Variants in ZNF215 observed in about 807,000 individuals in gnomAD.
The protein encoded by ZNF215 is BWSCR2-associated zinc finger protein 2.
ZNF215 carries 24 observed loss-of-function variants against 27.2 expected under a neutral mutation model. The ratio of observed to expected loss-of-function variants is 0.88; its 90% CI spans 0.64 to 1.24. The LOEUF is 1.24. ZNF215 is among the 50% of genes most tolerant of loss of function. The pLI is 0.00. For missense variants in ZNF215, 675 were observed against 605.7 expected (o/e 1.11, Z -1.20); for synonymous variants, 210 against 204.0 (o/e 1.03, Z -0.25).
At chr11:6,990,214 G>A (rs1401431394), downstream of ZNF215, among the ~76,000 whole-genome samples, 1 of 152,132 alleles carries the variant, frequency 6.6e-6, no homozygotes, top group Non-Finnish European at 1.5e-5. Flanking sequence ...CAGGCAGCAA[G>A]CCCATGGATT....
intron 5 of ZNF215, among the ~76,000 whole-genome samples, chr11:6,973,753 T>C (rs897071908): frequency 6.6e-6 from 1 of 152,232 alleles, no homozygotes; most frequent in East Asian, 1.9e-4. Flanking sequence ...TGTTTTAACC[T>C]TGTAAACTTG....
At chr11:6,955,361 G>A (rs1850287317) in intron 6 of ZNF215, among the ~76,000 whole-genome samples, 1 of 152,198 alleles carries the variant, frequency 6.6e-6, no homozygotes, top group South Asian at 2.1e-4. Context: ...ATATTAGGCA[G>A]AGACTTCATA....
Position 6,975,706 on chromosome 11 carries a change from C to T in ZNF215, c.806-8423C>T, listed in dbSNP as rs140357852. 8.3e-4 allele frequency among the ~76,000 whole-genome samples: 127 copies of T among 152,096 alleles called. 3 individuals are homozygous for T. The East Asian group carries it at 0.02, about 24-fold the overall frequency. On this transcript the variant is annotated intron_variant, in intron 5 of 5. Coordinates refer to the ZNF215 transcript ENST00000529903. ...CATTCTTTTTTATGGCTGAATATTA[C>T]GCCATTGTATATATGTACCACATTT...
At chr11:6,953,324 G>C (rs950930212) in intron 6 of ZNF215, among the ~76,000 whole-genome samples, 1 of 152,234 alleles carries the variant, frequency 6.6e-6, no homozygotes, top group Non-Finnish European at 1.5e-5. Flanking sequence ...ATGTCTTGCA[G>C]AGTGTTTTCT....
intron 2 of ZNF215, among the ~76,000 whole-genome samples, chr11:6,928,926 C>G (rs1383947297): frequency 6.6e-6 from 1 of 151,926 alleles, no homozygotes; most frequent in Non-Finnish European, 1.5e-5. Context: ...GGTTTTCAGT[C>G]TGTTGTATTG....
intron 5 of ZNF215, among the ~76,000 whole-genome samples, chr11:6,975,311 A>G (rs1003676992): frequency 4.6e-5 from 7 of 152,020 alleles, no homozygotes; most frequent in African/African-American, 1.4e-4. Flanking sequence ...ATATTTTGAT[A>G]GAGGCATGCA....
intron 3 of ZNF215, among the ~76,000 whole-genome samples, chr11:6,938,050 C>T (rs1012365077): frequency 4.0e-5 from 6 of 151,580 alleles, no homozygotes; most frequent in Non-Finnish European, 5.9e-5. Flanking sequence ...ATCAAGGCAG[C>T]GAAAAACCTA....
rs59694270 is a variant in ZNF215 at position 6,984,013 on chromosome 11, T to A, written c.806-116T>A. The A allele has an allele frequency of 1.5e-3, 475 of 313,828 alleles. 3 individuals carry two copies. Among genetic ancestry groups the A allele is most frequent in the African/African-American group, 9.7e-3 (422 of 43,610 alleles). 19.4% of individuals were successfully genotyped at this position (313,828 alleles called of 1,614,324 possible). ...GCCTAAAACATGATAGTACTCAGTA[T>A]TGGTAAAGGATATAAAAATTAACAT... On this transcript the variant is annotated intron_variant, in intron 5 of 5. Transcript: ENST00000529903.
At chr11:6,934,528 T>C (rs1849370766) in intron 3 of ZNF215, among the ~76,000 whole-genome samples, 1 of 152,186 alleles carries the variant, frequency 6.6e-6, no homozygotes, top group African/African-American at 2.4e-5. Flanking sequence ...TACCGTTTTC[T>C]TTCTGGGGCT....
chr11:6,951,787 A>G (rs143066642), intron 6 of ZNF215, among the ~76,000 whole-genome samples: 29,623 of 151,606 alleles, frequency 0.2, 2,970 homozygotes, highest in Middle Eastern at 0.23. Context: ...TTTTGAATGC[A>G]TTTGCTCTTG....
At chr11:6,963,640 G>A (rs566863240) in intron 5 of ZNF215, among the ~76,000 whole-genome samples, 2 of 152,046 alleles carry the variant, frequency 1.3e-5, no homozygotes, top group East Asian at 1.9e-4. Flanking sequence ...ATTTATCTTG[G>A]TATATACCTA....
chr11:6,968,305 T>C (rs1017095528), intron 5 of ZNF215, among the ~76,000 whole-genome samples: 1 of 152,182 alleles, frequency 6.6e-6, no homozygotes, highest in Non-Finnish European at 1.5e-5. Flanking sequence ...AAAGTAGTTT[T>C]TTCTAATTCT....
downstream of ZNF215, among the ~76,000 whole-genome samples, chr11:6,987,750 C>G (rs1015852728): frequency 6.6e-6 from 1 of 152,158 alleles, no homozygotes; most frequent in Non-Finnish European, 1.5e-5. Context: ...ATTGTAGTCT[C>G]TAGTAACCAG....
At chr11:6,977,992 G>A (rs1261793761) in intron 5 of ZNF215, among the ~76,000 whole-genome samples, 1 of 152,048 alleles carries the variant, frequency 6.6e-6, no homozygotes, top group Non-Finnish European at 1.5e-5. Context: ...TCCGGGAAAA[G>A]GCAATAGCTC....
At position 6,955,986 on chromosome 11, in the gene ZNF215, T is replaced by C; in HGVS notation, c.1009T>C (p.Phe337Leu). Residue 337 changes from phenylalanine to leucine, a missense_variant, in exon 7 of 7, where the codon TTT becomes CTT. Physicochemically the swap from Phe to Leu is conservative, Grantham distance 22. Coordinates refer to ENST00000278319, the MANE Select transcript of ZNF215 (RefSeq NM_013250.4). Reference sequence around the variant, plus strand: ...AAAGGGGTCTCCAAAATGTGATAAGTTTAAAACTTACTTCAAATTTAATTT... The same window carrying C: ...AAAGGGGTCTCCAAAATGTGATAAGCTTAAAACTTACTTCAAATTTAATTT... ...SRKGSPKCDK[F>L]KTYFKFNLDS... 1.2e-6 allele frequency: 2 copies of C among 1,612,690 alleles called. No individual in the cohort carries two copies. Among genetic ancestry groups the C allele is most frequent in the South Asian group, 1.1e-5 (1 of 90,608 alleles).
At chr11:6,943,695 T>G (rs79180154) in intron 6 of ZNF215, 54 bp downstream of exon 6, 50,108 of 1,360,666 alleles carry the variant, frequency 0.037, 1,091 homozygotes, top group Non-Finnish European at 0.044. Context: ...TTCCTAAACA[T>G]ACAGACAATG....
At chr11:6,991,445 C>A (rs1337699120), downstream of ZNF215, among the ~76,000 whole-genome samples, 3 of 152,184 alleles carry the variant, frequency 2.0e-5, no homozygotes, top group Non-Finnish European at 4.4e-5. Flanking sequence ...CTCCAGTGCT[C>A]CCCCGCCCAC....
chr11:6,948,990 C>A (rs536709732), intron 6 of ZNF215, among the ~76,000 whole-genome samples: 205 of 147,770 alleles, frequency 1.4e-3, no homozygotes, highest in South Asian at 1.1e-3. Flanking sequence ...TGAGTGAGAA[C>A]ATGCAGTGTT....
intron 5 of ZNF215, among the ~76,000 whole-genome samples, chr11:6,982,552 A>T (rs1005094933): frequency 2.6e-5 from 4 of 152,210 alleles, no homozygotes; most frequent in African/African-American, 9.7e-5. Context: ...ATTATAACAA[A>T]CTGTCTCTCA....
Sources: gnomAD v4.1 joint callset for allele counts (sites outside exome capture counted in the v4.1 genomes callset) on GRCh38, gnomAD v4.1.1 for gene constraint, MANE v1.5 for transcripts, NCBI Gene and HGNC (gene_info 2026-07-23, HGNC 2026-07-21) for gene names.